KYNU: variants seen among roughly 807,000 people sequenced by gnomAD.
KYNU encodes kynureninase.
A neutral mutation model predicts 59.2 loss-of-function variants in KYNU; 54 were observed. That is an observed-to-expected ratio of 0.91 (90% CI 0.73 to 1.14). The LOEUF (loss-of-function observed/expected upper bound fraction) is 1.14. Among genes scored for constraint, KYNU ranks in the 50% most tolerant of loss-of-function variants. The probability of loss-of-function intolerance (pLI) is 0.00; values close to 1 mark genes in which losing one functional copy is unlikely to be tolerated. For synonymous variants in KYNU, 177 were observed against 192.0 expected (o/e 0.92, Z 0.65); for missense variants, 567 against 554.4 (o/e 1.02, Z -0.23).
At chr2:143,003,681 A>AT (rs887726018) in intron 10 of KYNU, among the ~76,000 whole-genome samples, 13 of 150,784 alleles carry the variant, frequency 8.6e-5, no homozygotes, top group South Asian at 2.1e-4. Context: ...CAGAAATTTG[A>AT]TTTTTTTTTT....
chr2:142,996,722 T>G (rs1379007931), intron 10 of KYNU, among the ~76,000 whole-genome samples: 1 of 152,130 alleles, frequency 6.6e-6, no homozygotes, highest in Non-Finnish European at 1.5e-5. Context: ...ATGTTCCAAC[T>G]AAGGAATTTT....
At chr2:142,920,063 A>AAAAT (rs537374502) in intron 3 of KYNU, among the ~76,000 whole-genome samples, 5 of 151,942 alleles carry the variant, frequency 3.3e-5, no homozygotes, top group Admixed American at 2.0e-4. Context: ...CTGCTTCAAT[A>AAAAT]AAATAAATAA....
rs78062633 is a variant in KYNU, at chr2:142,946,264, G to T, written c.374-8546G>T. Among the ~76,000 whole-genome samples the T allele has an allele frequency of 1.9e-4, 28 of 150,306 alleles. 1 individual carries two copies. The East Asian group carries it at 4.2e-3, about 22-fold the overall frequency. ...ATGCCTGGCTACTTTTTGTATCATTGGTAAAAATGGGGTTTCACCATTTTG... is the reference window on the plus strand; with the variant it reads ...ATGCCTGGCTACTTTTTGTATCATTTGTAAAAATGGGGTTTCACCATTTTG... On this transcript the variant is annotated intron_variant, in intron 4 of 13. Transcript: ENST00000264170.
chr2:142,890,631 C>T (rs1231119766), intron 2 of KYNU, among the ~76,000 whole-genome samples: 1 of 152,136 alleles, frequency 6.6e-6, no homozygotes, highest in Admixed American at 6.5e-5. Flanking sequence ...GTGCGTGCCA[C>T]CATGCCCAGC....
chr2:142,930,979 CAA>C (rs990074843), intron 4 of KYNU, among the ~76,000 whole-genome samples: 3 of 152,158 alleles, frequency 2.0e-5, no homozygotes, highest in African/African-American at 7.2e-5. Flanking sequence ...GAGGACAAGA[CAA>C]AGGTTTTATA....
chr2:142,918,564 A>C, intron 2 of KYNU, 45 bp from the exon 3 acceptor site: 1 of 1,474,628 alleles, frequency 6.8e-7, no homozygotes, highest in East Asian at 2.5e-5. Flanking sequence ...CATACTGAAA[A>C]AGCTTTTATT....
chr2:143,052,260 G>C lies in KYNU; in HGVS notation c.*10088G>C, dbSNP rs554571940. ...CTATTAAAGGCATTCAGTTTTAAAAGGGAAATACAGCATAAAAGTTCAGAA... is the reference window on the plus strand; with the variant it reads ...CTATTAAAGGCATTCAGTTTTAAAACGGAAATACAGCATAAAAGTTCAGAA... On this transcript the variant is annotated 3_prime_UTR_variant, in exon 14 of 14. Coordinates refer to ENST00000264170, the MANE Select transcript of KYNU (RefSeq NM_003937.3). 1.3e-5 allele frequency: 2 copies of C among 152,318 alleles called. No individual in the cohort carries two copies. Among genetic ancestry groups the C allele is most frequent in the African/African-American group, 4.8e-5 (2 of 41,552 alleles). The allele number at this position is 152,318 out of a possible 1,614,324, so 9.4% of individuals were successfully genotyped here. A position where few individuals can be genotyped will look rare whatever the true frequency, so the allele number is the denominator to read the frequency against.
At chr2:142,924,773 A>G (rs2105007451) in intron 3 of KYNU, among the ~76,000 whole-genome samples, 1 of 152,302 alleles carries the variant, frequency 6.6e-6, no homozygotes, top group East Asian at 1.9e-4. Context: ...CGACTATTTT[A>G]AGTAGCTTTG....
At chr2:142,881,331 G>C (rs1311619977) in intron 1 of KYNU, 1 of 152,144 alleles carries the variant, frequency 6.6e-6, no homozygotes, top group African/African-American at 2.4e-5. Context: ...GTGAACCTTG[G>C]TATCTTTGTC....
At chr2:143,006,511 G>C (rs1451757497) in intron 10 of KYNU, among the ~76,000 whole-genome samples, 2 of 30,656 alleles carry the variant, frequency 6.5e-5, no homozygotes, top group African/African-American at 3.7e-4. Flanking sequence ...GCTTGATTAG[G>C]TAAACAAAGC....
intron 4 of KYNU, among the ~76,000 whole-genome samples, chr2:142,950,316 G>T (rs1683945052): frequency 6.6e-6 from 1 of 152,148 alleles, no homozygotes; most frequent in South Asian, 2.1e-4. Context: ...CCATTCTGCT[G>T]GTACTAATTT....
intron 2 of KYNU, among the ~76,000 whole-genome samples, chr2:142,899,162 C>T (rs1020992869): frequency 3.3e-5 from 5 of 152,040 alleles, no homozygotes; most frequent in East Asian, 1.9e-4. Flanking sequence ...ACCAGAAGAG[C>T]GTGCAGTTGC....
At chr2:143,042,024 G>A in intron 13 of KYNU, 23 bp from the exon 14 acceptor site, 1 of 1,610,086 alleles carries the variant, frequency 6.2e-7, no homozygotes. Context: ...TAACATTATT[G>A]TGGCTTTATT....
chr2:142,882,205 T>C (rs1473410251), intron 1 of KYNU, among the ~76,000 whole-genome samples: 1 of 152,090 alleles, frequency 6.6e-6, no homozygotes, highest in Non-Finnish European at 1.5e-5. Flanking sequence ...TCCTATCTAC[T>C]TTTTCTCCAA....
rs913530514 is a variant in KYNU, at chr2:143,043,456, T to C, written c.*1284T>C. On this transcript the variant is annotated 3_prime_UTR_variant, in exon 14 of 14. Coordinates refer to ENST00000264170, the MANE Select transcript of KYNU (RefSeq NM_003937.3). ...TCCAATTAAACAAGTTTGAATGAAATAAACAAACTTAGATAAACACTTCGG... is the reference window on the plus strand; with the variant it reads ...TCCAATTAAACAAGTTTGAATGAAACAAACAAACTTAGATAAACACTTCGG... The C allele has an allele frequency of 2.6e-5, 4 of 151,858 alleles. No individual in the cohort carries two copies. The highest frequency in any genetic ancestry group is 4.4e-5 in the Non-Finnish European group (3 of 67,894). The allele number at this position is 151,858 out of a possible 1,614,324, so 9.4% of individuals were successfully genotyped here.
intron 2 of KYNU, among the ~76,000 whole-genome samples, chr2:142,898,664 T>C (rs142314548): frequency 2.0e-5 from 3 of 152,232 alleles, no homozygotes; most frequent in African/African-American, 4.8e-5. Context: ...AATTAATCAG[T>C]GGGAATACTG....
At chr2:142,909,483 A>G (rs1682410700) in intron 2 of KYNU, among the ~76,000 whole-genome samples, 1 of 152,184 alleles carries the variant, frequency 6.6e-6, no homozygotes, top group Non-Finnish European at 1.5e-5. Flanking sequence ...CCCAATAGGT[A>G]GTATAGTTCC....
At chr2:142,905,248 G>A (rs537783647) in intron 2 of KYNU, among the ~76,000 whole-genome samples, 5 of 152,234 alleles carry the variant, frequency 3.3e-5, no homozygotes, top group East Asian at 1.9e-4. Flanking sequence ...TTTTTCCTAC[G>A]AGGAGAGCAA....
rs1190379242 is a variant in KYNU at position 143,055,778 on chromosome 2, G to A, written c.*13606G>A. The stretch of plus-strand genomic sequence containing the variant: ...TTGAAAACTGGGTGAATAATATGTG[G>A]AATTCTCTCTATTTTTGTTAATGTT... On this transcript the variant is annotated 3_prime_UTR_variant, in exon 14 of 14. Coordinates refer to ENST00000264170, the MANE Select transcript of KYNU (RefSeq NM_003937.3). 3 of 152,038 alleles carry A rather than the reference G, an allele frequency of 2.0e-5. No homozygotes were observed. Among genetic ancestry groups the A allele is most frequent in the Non-Finnish European group, 4.4e-5 (3 of 67,994 alleles). The allele number at this position is 152,038 out of a possible 1,614,324, so 9.4% of individuals were successfully genotyped here.
Sources: gnomAD v4.1 joint callset for allele counts (sites outside exome capture counted in the v4.1 genomes callset) on GRCh38, gnomAD v4.1.1 for gene constraint, MANE v1.5 for transcripts, NCBI Gene and HGNC (gene_info 2026-07-23, HGNC 2026-07-21) for gene names.